DSCAML1: variants seen among roughly 807,000 people sequenced by gnomAD.
DSCAML1 encodes the protein cell adhesion molecule DSCAML1.
A neutral mutation model predicts 200.5 loss-of-function variants in DSCAML1; 38 were observed. The observed-to-expected ratio is 0.19, with a 90% CI of 0.15 to 0.25. The LOEUF (loss-of-function observed/expected upper bound fraction) is 0.25, where lower values mean the gene tolerates loss of function less well. DSCAML1 is among the 10% of genes least tolerant of loss of function. DSCAML1 has a pLI of 1.00. For synonymous variants in DSCAML1, 1,215 were observed against 1,165.0 expected (o/e 1.04, Z -0.87); for missense variants, 2,223 against 2,858.8 (o/e 0.78, Z 5.07).
chr11:117,639,050 T>C (rs377498876), intron 3 of DSCAML1, among the ~76,000 whole-genome samples: 4 of 152,214 alleles, frequency 2.6e-5, no homozygotes, highest in East Asian at 3.8e-4. Context: ...ATCTGTCTTT[T>C]TAATGATAGC....
At position 117,576,350 on chromosome 11, in the gene DSCAML1, C is replaced by T. The variant is rs184461118; in HGVS notation, c.512-43828G>A. 1.9e-3 allele frequency among the ~76,000 whole-genome samples: 284 copies of T among 152,272 alleles called. 2 individuals carry two copies. The highest frequency in any genetic ancestry group is 6.4e-3 in the African/African-American group (264 of 41,560). Reference sequence around the variant, plus strand: ...GAGGTGAGGGGTTCTCCACAGGGCACGAGGACCAATCTGGCTCGTGCTCTT... The same window carrying T: ...GAGGTGAGGGGTTCTCCACAGGGCATGAGGACCAATCTGGCTCGTGCTCTT... On this transcript the variant is annotated intron_variant, in intron 3 of 32. Transcript: ENST00000651296.
At chr11:117,777,872 T>C (rs1021993924) in intron 2 of DSCAML1, among the ~76,000 whole-genome samples, 3 of 152,196 alleles carry the variant, frequency 2.0e-5, no homozygotes, top group African/African-American at 7.2e-5. Flanking sequence ...GTTTGGCCTC[T>C]CCCAGGCCTC....
chr11:117,787,823 G>C (rs1298495158), intron 1 of DSCAML1, among the ~76,000 whole-genome samples: 1 of 152,186 alleles, frequency 6.6e-6, no homozygotes, highest in Non-Finnish European at 1.5e-5. Context: ...GATGTGAGCT[G>C]GAGAGGTTTC....
chr11:117,649,189 T>G (rs373896417), intron 3 of DSCAML1, among the ~76,000 whole-genome samples: 5 of 151,798 alleles, frequency 3.3e-5, no homozygotes, highest in African/African-American at 1.2e-4. Flanking sequence ...GCAAGCCTCC[T>G]GCCTCAGCCA....
intron 3 of DSCAML1, among the ~76,000 whole-genome samples, chr11:117,535,463 G>A (rs2050151215): frequency 6.6e-6 from 1 of 152,048 alleles, no homozygotes; most frequent in African/African-American, 2.4e-5. Context: ...CCACAGCCGG[G>A]CAGACCCCGC....
intron 21 of DSCAML1, 146 bp downstream of exon 21, chr11:117,443,740 T>G: frequency 8.7e-7 from 1 of 1,151,640 alleles, no homozygotes; most frequent in Non-Finnish European, 1.2e-6. Context: ...TCTTGGTGTG[T>G]GCGGGAGGCA....
At chr11:117,815,908 A>G (rs1240043373) in intron 1 of DSCAML1, among the ~76,000 whole-genome samples, 2 of 151,654 alleles carry the variant, frequency 1.3e-5, no homozygotes, top group Admixed American at 1.3e-4. Flanking sequence ...ACTGCCTACA[A>G]ACTGAAAATG....
At chr11:117,483,122 G>A (rs2048964095) in intron 11 of DSCAML1, among the ~76,000 whole-genome samples, 1 of 152,202 alleles carries the variant, frequency 6.6e-6, no homozygotes, top group Non-Finnish European at 1.5e-5. Context: ...GAGCACCTGC[G>A]GCAGCAGCAG....
intron 3 of DSCAML1, among the ~76,000 whole-genome samples, chr11:117,664,538 G>A (rs760780681): frequency 2.6e-5 from 4 of 152,122 alleles, no homozygotes; most frequent in Non-Finnish European, 5.9e-5. Context: ...GCTGTTTTGA[G>A]GTGTTACGCT....
Position 117,432,387 on chromosome 11 carries a change from G to T in DSCAML1, c.5144C>A (p.Pro1715His). ...CCGGATGTCAGACATGTCGATGAGGGGTCCTGTGCTCTGGATGAGGGTTGG... is the reference window on the plus strand; with the variant it reads ...CCGGATGTCAGACATGTCGATGAGGTGTCCTGTGCTCTGGATGAGGGTTGG... ...HHPTLIQSTG[P>H]LIDMSDIRPG... is the part of the protein sequence containing the mutation. Residue 1715 changes from proline (P) to histidine (H), a missense_variant, in exon 30 of 33, where the codon CCC becomes CAC. Transcript: ENST00000651296. The T allele has an allele frequency of 1.2e-6, 2 of 1,614,098 alleles. No homozygotes were observed. The highest frequency in any genetic ancestry group is 8.5e-7 in the Non-Finnish European group (1 of 1,180,026).
At chr11:117,687,424 C>CTTTTTTTTTTTTTTTTTTTTTTTTTTT (rs1440234665) in intron 3 of DSCAML1, among the ~76,000 whole-genome samples, 3 of 51,812 alleles carry the variant, frequency 5.8e-5, no homozygotes, top group Middle Eastern at 0.012. Context: ...CCATGCCTGG[C>CTTTTTTTTTTTTTTTTTTTTTTTTTTT]TATTTTTTTT....
At chr11:117,609,039 A>AAAC (rs1565823720) in intron 3 of DSCAML1, among the ~76,000 whole-genome samples, 4 of 147,672 alleles carry the variant, frequency 2.7e-5, no homozygotes, top group South Asian at 4.2e-4. Context: ...AACAAACAAA[A>AAAC]AAAACAAAAA....
Position 117,786,763 on chromosome 11 carries a change from T to C in DSCAML1, c.47-5953A>G, listed in dbSNP as rs183857505. On this transcript the variant is annotated intron_variant, in intron 1 of 32. Coordinates refer to ENST00000651296, the MANE Select transcript of DSCAML1 (RefSeq NM_020693.4). ...CACTGGGAGATGAGTCATTTTGTTC[T>C]CTTCCCTTACAATATTTACTCATCT... Among the ~76,000 whole-genome samples the C allele has an allele frequency of 5.1e-3, 775 of 152,298 alleles. 7 individuals are homozygous for C. Among genetic ancestry groups the C allele is most frequent in the Non-Finnish European group, 6.2e-3 (423 of 68,026 alleles).
At chr11:117,577,363 G>A (rs991372979) in intron 3 of DSCAML1, among the ~76,000 whole-genome samples, 2 of 152,048 alleles carry the variant, frequency 1.3e-5, no homozygotes, top group Admixed American at 6.5e-5. Flanking sequence ...TAGGAACTAT[G>A]TAGCCAAGTA....
intron 3 of DSCAML1, among the ~76,000 whole-genome samples, chr11:117,697,795 G>A (rs536845630): frequency 2.7e-3 from 403 of 148,852 alleles, no homozygotes; most frequent in African/African-American, 9.7e-3. Context: ...TTTTTTAGAC[G>A]GAGTCTCGCT....
chr11:117,772,959 G>A (rs962301043), intron 3 of DSCAML1, among the ~76,000 whole-genome samples: 1 of 152,150 alleles, frequency 6.6e-6, no homozygotes, highest in Admixed American at 6.5e-5. Context: ...GAGTGGAGGC[G>A]GGTATAGTAG....
At chr11:117,630,278 G>A (rs1446908652) in intron 3 of DSCAML1, among the ~76,000 whole-genome samples, 1 of 152,174 alleles carries the variant, frequency 6.6e-6, no homozygotes, top group Non-Finnish European at 1.5e-5. Context: ...ACACAAGTGA[G>A]CCCGACTGCA....
intron 1 of DSCAML1, among the ~76,000 whole-genome samples, chr11:117,787,026 G>A (rs1330625162): frequency 6.6e-6 from 1 of 152,194 alleles, no homozygotes; most frequent in Non-Finnish European, 1.5e-5. Context: ...GGCAGTGACT[G>A]TCTAGTCACC....
chr11:117,618,787 G>A (rs1029782486), intron 3 of DSCAML1, among the ~76,000 whole-genome samples: 1 of 152,180 alleles, frequency 6.6e-6, no homozygotes, highest in African/African-American at 2.4e-5. Context: ...ACAGGGTTGA[G>A]GAATGGGATC....
Sources: gnomAD v4.1 joint callset for allele counts (sites outside exome capture counted in the v4.1 genomes callset) on GRCh38, gnomAD v4.1.1 for gene constraint, MANE v1.5 for transcripts, NCBI Gene and HGNC (gene_info 2026-07-23, HGNC 2026-07-21) for gene names.